Variants in PDZK1IP1 observed in about 807,000 individuals in gnomAD.
The protein encoded by PDZK1IP1 is PDZK1 interacting protein 1.
A neutral mutation model predicts 14.7 loss-of-function variants in PDZK1IP1; 9 were observed. The observed-to-expected ratio is 0.61, with a 90% CI of 0.37 to 1.07. The LOEUF is 1.07. PDZK1IP1 is among the 50% of genes least tolerant of loss of function. The probability of loss-of-function intolerance (pLI) is 0.01; values close to 1 mark genes in which losing one functional copy is unlikely to be tolerated. For missense variants in PDZK1IP1, 152 were observed against 148.7 expected, an observed-to-expected ratio of 1.02 and a Z score of -0.11; for synonymous variants, 70 against 61.2, an observed-to-expected ratio of 1.14 and a Z score of -0.67.
In PDZK1IP1 at chr1:47,187,335, A is replaced by G. The variant is rs1569854259; in HGVS notation, c.160T>C (p.Trp54Arg). The change falls in exon 2 of 4, where the codon TGG becomes CGG. Residue 54 changes from tryptophan (W) to arginine (R), a missense_variant. Physicochemically the swap from Trp to Arg is moderately radical, Grantham distance 101 (BLOSUM62 -3). Coordinates refer to ENST00000294338, the MANE Select transcript of PDZK1IP1 (RefSeq NM_005764.4). Reference protein sequence around the residue: ...VAIAFAVNHFWCQEEPEPAHM... With the variant: ...VAIAFAVNHFRCQEEPEPAHM... Reference sequence around the variant, plus strand: ...AGCACTCACGGCTCCTCCTGGCACCAGAAGTGGTTGACTGCAAAGGCGATT... The same window carrying G: ...AGCACTCACGGCTCCTCCTGGCACCGGAAGTGGTTGACTGCAAAGGCGATT... 2 of 1,612,566 alleles carry G rather than the reference A, an allele frequency of 1.2e-6. No individual in the cohort carries two copies. The highest frequency in any genetic ancestry group is 2.2e-5 in the South Asian group (2 of 91,070).
chr1:47,184,881 C>T, intron 3 of PDZK1IP1, 121 bp downstream of exon 3: 2 of 752,108 alleles, frequency 2.7e-6, no homozygotes, highest in Non-Finnish European at 4.7e-6. Flanking sequence ...CCCATTGCCT[C>T]ACTAGCTTTT....
In PDZK1IP1 at chr1:47,189,971, G is replaced by A. The variant is rs1239067187; in HGVS notation, c.-39C>T. 2 of 1,516,926 alleles carry A rather than the reference G, an allele frequency of 1.3e-6. No homozygotes were observed. The highest frequency in any genetic ancestry group is 1.4e-5 in the African/African-American group (1 of 72,458). The allele number at this position is 1,516,926 out of a possible 1,614,324, so 94.0% of individuals were successfully genotyped here. On this transcript the variant is annotated 5_prime_UTR_variant, in exon 1 of 4. Coordinates refer to ENST00000294338, the MANE Select transcript of PDZK1IP1 (RefSeq NM_005764.4). Reference sequence around the variant, plus strand: ...CCTAGCCTTGCTTCTGGCCGCCGGTGTCTGGGCTCCTGGAGCTGCTGTGGA... The same window carrying A: ...CCTAGCCTTGCTTCTGGCCGCCGGTATCTGGGCTCCTGGAGCTGCTGTGGA...
intron 3 of PDZK1IP1, among the ~76,000 whole-genome samples, chr1:47,184,563 G>A (rs1023201460): frequency 0.12 from 212 of 1,782 alleles, no homozygotes; most frequent in South Asian, 0.14. Flanking sequence ...CCCCCACTGA[G>A]TCCATACCCC....
At chr1:47,187,102 AG>A (rs1645324256) in intron 2 of PDZK1IP1, among the ~76,000 whole-genome samples, 2 of 152,218 alleles carry the variant, frequency 1.3e-5, no homozygotes, top group Admixed American at 1.3e-4. Context: ...TGGGGCCCAC[AG>A]TGCCCAGGTC....
In PDZK1IP1 at chr1:47,189,895, G is replaced by C; in HGVS notation, c.38C>G (p.Thr13Arg). The change falls in exon 1 of 4, where the codon ACG (threonine) becomes AGG (arginine). Residue 13 changes from threonine to arginine, a missense_variant. Physicochemically the swap from Thr to Arg is moderately conservative, Grantham distance 71. Transcript: ENST00000294338. ...ALSLLILGLL[T>R]AVPPASCQQG... ...CTGACAGCTGGCAGGTGGCACTGCC[G>C]TGAGCAGGCCCAGAATGAGGAGGCT... is the stretch of plus-strand genomic sequence containing the variant. 6.3e-7 allele frequency: 1 copy of C among 1,597,032 alleles called. No homozygotes were observed. Among genetic ancestry groups the C allele is most frequent in the Non-Finnish European group, 8.5e-7 (1 of 1,178,706 alleles).
rs150000621 is a variant in PDZK1IP1 at position 47,185,278 on chromosome 1, C to G, written c.177-181G>C. 903 of 599,642 alleles carry G rather than the reference C, an allele frequency of 1.5e-3. 6 individuals carry two copies. Among genetic ancestry groups the G allele is most frequent in the African/African-American group, 0.015 (801 of 53,792 alleles). 37.1% of individuals were successfully genotyped at this position (599,642 alleles called of 1,614,324 possible). On this transcript the variant is annotated intron_variant, in intron 2 of 3. Coordinates refer to ENST00000294338, the MANE Select transcript of PDZK1IP1 (RefSeq NM_005764.4). Reference sequence around the variant, plus strand: ...ACCCATGGGGTCTCTCACTTTCTCCCCACTCCATAGTGGGGGGCCAAATAT... The same window carrying G: ...ACCCATGGGGTCTCTCACTTTCTCCGCACTCCATAGTGGGGGGCCAAATAT...
intron 2 of PDZK1IP1, among the ~76,000 whole-genome samples, chr1:47,186,027 G>T (rs1255513376): frequency 3.9e-5 from 6 of 152,144 alleles, no homozygotes; most frequent in Admixed American, 3.9e-4. Flanking sequence ...CTTGCCACTG[G>T]AGGCAGGGCA....
intron 3 of PDZK1IP1, among the ~76,000 whole-genome samples, chr1:47,184,546 GC>G (rs375213032): frequency 2.2e-3 from 11 of 5,112 alleles, no homozygotes; most frequent in South Asian, 0.013. Flanking sequence ...CCCCCACTGA[GC>G]TCCATCCCCC....
Position 47,183,873 on chromosome 1 carries a change from A to G in PDZK1IP1, c.*98T>C. 9.7e-7 allele frequency: 1 copy of G among 1,027,030 alleles called. No homozygotes were observed. The highest frequency in any genetic ancestry group is 2.0e-5 in the Admixed American group (1 of 49,504). The allele number at this position is 1,027,030 out of a possible 1,614,324, so 63.6% of individuals were successfully genotyped here. On this transcript the variant is annotated 3_prime_UTR_variant, in exon 4 of 4. Coordinates refer to ENST00000294338, the MANE Select transcript of PDZK1IP1 (RefSeq NM_005764.4). ...TGGGGCTGGAGGGAGTCAGCCCACT[A>G]TTGCAGATTCCACACAAAGAAGGAG...
chr1:47,185,376 C>G (rs1376871484), intron 2 of PDZK1IP1: 2 of 415,094 alleles, frequency 4.8e-6, no homozygotes, highest in Non-Finnish European at 8.9e-6. Context: ...CCACAGCAGG[C>G]CCTGCAGGAT....
intron 3 of PDZK1IP1, among the ~76,000 whole-genome samples, chr1:47,184,384 T>C (rs1355393423): frequency 1.3e-3 from 1 of 786 alleles, no homozygotes. Context: ...CTGAACCAAT[T>C]CCCCCATTAA....
chr1:47,184,924 T>C, intron 3 of PDZK1IP1, 78 bp downstream of exon 3: 1 of 1,184,228 alleles, frequency 8.4e-7, no homozygotes, highest in South Asian at 1.2e-5. Context: ...CCCAGCCACC[T>C]CCCCCCAGCA....
In PDZK1IP1 at chr1:47,184,970, C is replaced by T. The variant is rs1296355639; in HGVS notation, c.272+32G>A. 5.2e-6 allele frequency: 8 copies of T among 1,543,362 alleles called. No individual in the cohort carries two copies. In the African/African-American group the frequency reaches 5.4e-5, roughly 10 times the overall value. On this transcript the variant is annotated intron_variant, in intron 3 of 3. Transcript: ENST00000294338. ...TGAGATTCTCCTTAGGCCCTGGGAG[C>T]ACAGACCGGGCAGCCCTGCCCTGCA... is the stretch of plus-strand genomic sequence containing the variant.
At position 47,187,397 on chromosome 1, in the gene PDZK1IP1, C is replaced by G; in HGVS notation, c.98G>C (p.Gly33Ala). Residue 33 changes from glycine (G) to alanine (A), a missense_variant, in exon 2 of 4, where the codon GGC becomes GCC. Transcript: ENST00000294338. ...GLGNLQPWMQ[G>A]LIAVAVFLVL... ...CAGGAACACGGCCACCGCGATAAGGCCCTGCATCCAGGGCTGAAGGTTCCC... is the reference window on the plus strand; with the variant it reads ...CAGGAACACGGCCACCGCGATAAGGGCCTGCATCCAGGGCTGAAGGTTCCC... 1 of 1,612,868 alleles carries G rather than the reference C, an allele frequency of 6.2e-7. No individual in the cohort carries two copies. The highest frequency in any genetic ancestry group is 8.5e-7 in the Non-Finnish European group (1 of 1,179,948).
intron 1 of PDZK1IP1, among the ~76,000 whole-genome samples, chr1:47,188,667 C>A (rs1314671428): frequency 6.6e-6 from 1 of 152,222 alleles, no homozygotes; most frequent in Non-Finnish European, 1.5e-5. Flanking sequence ...GGCCTGACCT[C>A]TTCTCCGAGC....
Position 47,187,537 on chromosome 1 carries a change from C to T in PDZK1IP1, c.68-110G>A, listed in dbSNP as rs59329705. On this transcript the variant is annotated intron_variant, in intron 1 of 3. Coordinates refer to ENST00000294338, the MANE Select transcript of PDZK1IP1 (RefSeq NM_005764.4). The stretch of plus-strand genomic sequence containing the variant: ...CCCCACCTATGCTGAAGGCCCTCAG[C>T]CAGCTGCCAGGAGCAAGGAGACATT... 5,093 of 812,368 alleles carry T rather than the reference C, an allele frequency of 6.3e-3. 130 individuals carry two copies. The African/African-American group carries it at 0.07, about 11-fold the overall frequency. 50.3% of individuals were successfully genotyped at this position (812,368 alleles called of 1,614,324 possible). A position where few individuals can be genotyped will look rare whatever the true frequency, so the allele number is the denominator to read the frequency against.
chr1:47,189,055 C>T (rs1645337182), intron 1 of PDZK1IP1, among the ~76,000 whole-genome samples: 2 of 151,488 alleles, frequency 1.3e-5, no homozygotes, highest in African/African-American at 4.9e-5. Context: ...TCTTGCCGTG[C>T]TCTGTGACTC....
intron 2 of PDZK1IP1, among the ~76,000 whole-genome samples, chr1:47,186,565 G>T (rs1019446716): frequency 1.3e-5 from 2 of 152,242 alleles, no homozygotes; most frequent in Non-Finnish European, 2.9e-5. Flanking sequence ...TGGGAACAGA[G>T]GCAGCCTTGC....
chr1:47,186,169 G>A (rs549442533), intron 2 of PDZK1IP1, among the ~76,000 whole-genome samples: 1 of 152,022 alleles, frequency 6.6e-6, no homozygotes. Context: ...TTAGCCAGGC[G>A]TGGTGTCAGG....
Sources: gnomAD v4.1 joint callset for allele counts (sites outside exome capture counted in the v4.1 genomes callset) on GRCh38, gnomAD v4.1.1 for gene constraint, MANE v1.5 for transcripts, NCBI Gene and HGNC (gene_info 2026-07-23, HGNC 2026-07-21) for gene names.